Variants in IL1RAPL1 observed in about 807,000 individuals in gnomAD.
IL1RAPL1 encodes interleukin-1 receptor accessory protein-like 1.
A neutral mutation model predicts 48.4 loss-of-function variants in IL1RAPL1; 3 were observed. The ratio of observed to expected loss-of-function variants is 0.06; its 90% CI spans 0.03 to 0.16. The LOEUF (loss-of-function observed/expected upper bound fraction) is 0.16. Ranked by LOEUF, IL1RAPL1 falls within the 10% of genes least tolerant of loss-of-function variation. The pLI is 1.00. For missense variants in IL1RAPL1, 349 were observed against 530.6 expected (o/e 0.66, Z 3.36); for synonymous variants, 185 against 187.7 (o/e 0.99, Z 0.12).
intron 5 of IL1RAPL1, among the ~76,000 whole-genome samples, chrX:29,486,984 G>A (rs1436271142): frequency 9.0e-6 from 1 of 111,311 alleles, no homozygotes; most frequent in African/African-American, 3.3e-5. Context: ...CTGACAGTCT[G>A]CCTTTCCAAC....
chrX:29,063,895 C>A (rs973284469), intron 2 of IL1RAPL1, among the ~76,000 whole-genome samples: 3 of 111,483 alleles, frequency 2.7e-5, no homozygotes, highest in African/African-American at 9.8e-5. Context: ...TATTTTTTTC[C>A]TATGTAAATA....
intron 5 of IL1RAPL1, among the ~76,000 whole-genome samples, chrX:29,405,437 G>A (rs1369829684): frequency 1.0e-5 from 1 of 96,973 alleles, no homozygotes; most frequent in Non-Finnish European, 2.0e-5. Flanking sequence ...CGGGATCTCG[G>A]CTCACTGCAA....
intron 1 of IL1RAPL1, among the ~76,000 whole-genome samples, chrX:28,717,460 C>A (rs1449854059): frequency 3.6e-5 from 4 of 110,872 alleles, no homozygotes; most frequent in Non-Finnish European, 7.6e-5. Context: ...ACCCATAAGA[C>A]ACATAGAGGT....
At chrX:28,592,368 A>G (rs940532913) in intron 1 of IL1RAPL1, among the ~76,000 whole-genome samples, 1 of 111,279 alleles carries the variant, frequency 9.0e-6, no homozygotes, top group African/African-American at 3.3e-5. Flanking sequence ...CCAGAAAGTG[A>G]CTCTTGTCTT....
intron 2 of IL1RAPL1, among the ~76,000 whole-genome samples, chrX:28,983,314 T>A (rs1925387826): frequency 8.9e-6 from 1 of 111,900 alleles, no homozygotes; most frequent in Non-Finnish European, 1.9e-5. Flanking sequence ...AAAGAGGCCC[T>A]AGGATTTTTA....
At chrX:29,681,666 A>G (rs1264447620) in intron 6 of IL1RAPL1, among the ~76,000 whole-genome samples, 1 of 112,018 alleles carries the variant, frequency 8.9e-6, no homozygotes, top group East Asian at 2.8e-4. Flanking sequence ...GCATTACCTA[A>G]TTTACTTGTG....
intron 2 of IL1RAPL1, among the ~76,000 whole-genome samples, chrX:29,219,117 A>G (rs1181776522): frequency 8.9e-6 from 1 of 112,206 alleles, no homozygotes; most frequent in African/African-American, 3.2e-5. Context: ...AACTCACTAG[A>G]GTCAGAACAT....
intron 3 of IL1RAPL1, among the ~76,000 whole-genome samples, chrX:29,317,453 G>A (rs1932774324): frequency 8.9e-6 from 1 of 111,880 alleles, no homozygotes; most frequent in Non-Finnish European, 1.9e-5. Context: ...AACGTTGGTT[G>A]GAAAATATTT....
chrX:29,608,779 TCTC>T (rs1283201813), intron 5 of IL1RAPL1, among the ~76,000 whole-genome samples: 26 of 105,019 alleles, frequency 2.5e-4, no homozygotes, highest in Admixed American at 1.1e-3. Flanking sequence ...TGAGCCGAGA[TCTC>T]ACCACTGCAC....
intron 3 of IL1RAPL1, among the ~76,000 whole-genome samples, chrX:29,370,095 C>T (rs191535890): frequency 0.011 from 1,207 of 111,927 alleles, 14 homozygotes; most frequent in African/African-American, 0.037. Context: ...AAAATTTTTT[C>T]GTAAATTTCC....
chrX:28,969,105 A>G (rs1183145882), intron 2 of IL1RAPL1, among the ~76,000 whole-genome samples: 1 of 112,404 alleles, frequency 8.9e-6, no homozygotes, highest in Non-Finnish European at 1.9e-5. Flanking sequence ...ACATCCTTCA[A>G]TAAGGAGGAA....
At chrX:29,925,412 GT>G (rs763481708) in intron 8 of IL1RAPL1, among the ~76,000 whole-genome samples, 39 of 11,451 alleles carry the variant, frequency 3.4e-3, no homozygotes, top group African/African-American at 0.011. Flanking sequence ...TCCCGTAACT[GT>G]TTTTTTTTTT....
At chrX:28,769,713 A>G (rs1365070626) in intron 1 of IL1RAPL1, among the ~76,000 whole-genome samples, 2 of 110,931 alleles carry the variant, frequency 1.8e-5, no homozygotes, top group Non-Finnish European at 3.8e-5. Context: ...CATTCTGGGG[A>G]CGCTTCCCAG....
chrX:28,737,077 C>G (rs377463285), intron 1 of IL1RAPL1, among the ~76,000 whole-genome samples: 1 of 57,022 alleles, frequency 1.8e-5, no homozygotes, highest in South Asian at 7.4e-4. Flanking sequence ...CTTTTCTTTT[C>G]TTTTCTTTTC....
At chrX:29,887,773 G>C (rs1242365330) in intron 6 of IL1RAPL1, among the ~76,000 whole-genome samples, 1 of 111,033 alleles carries the variant, frequency 9.0e-6, no homozygotes, top group East Asian at 2.8e-4. Context: ...TTGGTAGATA[G>C]TTTAATAAGT....
At chrX:28,702,329 A>C (rs1340832027) in intron 1 of IL1RAPL1, among the ~76,000 whole-genome samples, 1 of 112,126 alleles carries the variant, frequency 8.9e-6, no homozygotes, top group East Asian at 2.8e-4. Flanking sequence ...TAATATTAGT[A>C]GAAATTTAAA....
intron 2 of IL1RAPL1, among the ~76,000 whole-genome samples, chrX:29,269,008 C>T (rs17333924): frequency 0.13 from 15,006 of 111,653 alleles, 1,188 homozygotes; most frequent in East Asian, 0.29. Flanking sequence ...AACCCAGCTA[C>T]ATCTTTTCGG....
intron 3 of IL1RAPL1, among the ~76,000 whole-genome samples, chrX:29,341,969 C>T (rs148735930): frequency 2.1e-4 from 23 of 109,707 alleles, no homozygotes; most frequent in Admixed American, 4.9e-4. Flanking sequence ...CTACCACGTA[C>T]GGCTAATTTT....
chrX:28,631,886 A>G (rs986036692), intron 1 of IL1RAPL1, among the ~76,000 whole-genome samples: 7 of 112,479 alleles, frequency 6.2e-5, no homozygotes, highest in African/African-American at 2.3e-4. Context: ...CCTGTGCTCA[A>G]AAGACTCCGA....
Sources: allele counts gnomAD v4.1 joint callset (sites outside exome capture counted in the v4.1 genomes callset), GRCh38; gene constraint gnomAD v4.1.1; transcripts MANE v1.5; gene names NCBI Gene and HGNC (gene_info 2026-07-23, HGNC 2026-07-21).